NKAIN2: variants seen among roughly 807,000 people sequenced by gnomAD.
The protein encoded by NKAIN2 is sodium/potassium-transporting ATPase subunit beta-1-interacting protein 2.
Under a neutral mutation model 32.6 loss-of-function variants are expected in NKAIN2, and 14 were observed. The ratio of observed to expected loss-of-function variants is 0.43; its 90% CI spans 0.28 to 0.67. The LOEUF is 0.67. Ranked by LOEUF, NKAIN2 falls within the 30% of genes least tolerant of loss-of-function variation. The pLI is 0.17. For missense variants in NKAIN2, 198 were observed against 258.3 expected, an observed-to-expected ratio of 0.77 and a Z score of 1.60; for synonymous variants, 80 against 87.2, an observed-to-expected ratio of 0.92 and a Z score of 0.46.
At chr6:124,806,274 G>C (rs1363134068) in intron 5 of NKAIN2, among the ~76,000 whole-genome samples, 1 of 152,182 alleles carries the variant, frequency 6.6e-6, no homozygotes, top group Non-Finnish European at 1.5e-5. Flanking sequence ...AAGCCCATCA[G>C]ACTAACAGCG....
intron 3 of NKAIN2, among the ~76,000 whole-genome samples, chr6:124,627,819 C>T (rs562131658): frequency 3.9e-5 from 6 of 152,236 alleles, no homozygotes; most frequent in South Asian, 2.1e-4. Context: ...ACCACCCCCA[C>T]GGCGACATTC....
chr6:124,541,104 T>C (rs1314113887), intron 3 of NKAIN2, among the ~76,000 whole-genome samples: 1 of 152,066 alleles, frequency 6.6e-6, no homozygotes, highest in African/African-American at 2.4e-5. Flanking sequence ...ACTAGAGTTA[T>C]TTCCATTTTT....
intron 1 of NKAIN2, among the ~76,000 whole-genome samples, chr6:123,973,737 A>G (rs1342931991): frequency 6.6e-6 from 1 of 152,130 alleles, no homozygotes; most frequent in Admixed American, 6.6e-5. Flanking sequence ...TAAATCGTGT[A>G]GTTGTTTCAC....
At chr6:124,576,321 T>G (rs1266273115) in intron 3 of NKAIN2, among the ~76,000 whole-genome samples, 1 of 148,200 alleles carries the variant, frequency 6.7e-6, no homozygotes, top group African/African-American at 2.4e-5. Flanking sequence ...AAACTATGGT[T>G]TTACAGATTT....
At chr6:123,945,867 A>G (rs1188345099) in intron 1 of NKAIN2, among the ~76,000 whole-genome samples, 1 of 152,200 alleles carries the variant, frequency 6.6e-6, no homozygotes, top group East Asian at 1.9e-4. Context: ...TGGGTAAGAC[A>G]TAAAGAAATC....
intron 1 of NKAIN2, among the ~76,000 whole-genome samples, chr6:123,850,351 AAAAAAT>A (rs1474849205): frequency 1.9e-5 from 2 of 105,450 alleles, no homozygotes; most frequent in Non-Finnish European, 2.0e-5. Flanking sequence ...TGAAAAAAAA[AAAAAAT>A]ATATATATAT....
At chr6:123,918,031 T>A (rs1299490856) in intron 1 of NKAIN2, among the ~76,000 whole-genome samples, 1 of 152,160 alleles carries the variant, frequency 6.6e-6, no homozygotes, top group Non-Finnish European at 1.5e-5. Context: ...TACTCAAAAA[T>A]TATGTCCTTA....
At chr6:124,313,180 G>C (rs1796794884) in intron 2 of NKAIN2, among the ~76,000 whole-genome samples, 1 of 152,054 alleles carries the variant, frequency 6.6e-6, no homozygotes, top group Admixed American at 6.6e-5. Context: ...TTCAGTTAGT[G>C]CATCAAATCA....
At chr6:124,663,403 C>T (rs1772588321) in intron 4 of NKAIN2, among the ~76,000 whole-genome samples, 1 of 151,864 alleles carries the variant, frequency 6.6e-6, no homozygotes, top group Non-Finnish European at 1.5e-5. Context: ...TGCACTCCAA[C>T]CTGGGCTACA....
At chr6:124,487,670 G>A (rs928075614) in intron 3 of NKAIN2, among the ~76,000 whole-genome samples, 8 of 151,990 alleles carry the variant, frequency 5.3e-5, no homozygotes, top group Non-Finnish European at 7.4e-5. Flanking sequence ...CTTGCCTATC[G>A]GTGATCATTC....
chr6:123,804,082 C>T lies in NKAIN2; in HGVS notation c.-119C>T, dbSNP rs901431057. On this transcript the variant is annotated 5_prime_UTR_variant, in exon 1 of 7. Coordinates refer to ENST00000368417, the MANE Select transcript of NKAIN2 (RefSeq NM_001040214.3). ...CAGGACGCTGGCAGCAGCAGCAGCC[C>T]GGAGCCCCCGAGCCCTCGGCAGGTT... 3.3e-6 allele frequency: 3 copies of T among 908,066 alleles called. No homozygotes were observed. Among genetic ancestry groups the T allele is most frequent in the African/African-American group, 3.3e-5 (2 of 61,478 alleles). The allele number at this position is 908,066 out of a possible 1,614,324, so 56.3% of individuals were successfully genotyped here. A position where few individuals can be genotyped will look rare whatever the true frequency, so the allele number is the denominator to read the frequency against.
chr6:123,876,375 A>G (rs959511500), intron 1 of NKAIN2, among the ~76,000 whole-genome samples: 1 of 152,166 alleles, frequency 6.6e-6, no homozygotes, highest in South Asian at 2.1e-4. Context: ...AGCTTTGCAT[A>G]TACATAGCTG....
intron 1 of NKAIN2, among the ~76,000 whole-genome samples, chr6:124,028,494 A>C (rs918854113): frequency 2.0e-5 from 3 of 151,822 alleles, no homozygotes; most frequent in African/African-American, 7.3e-5. Context: ...ATGCATATGT[A>C]ACAAACCTGC....
chr6:124,223,751 G>C (rs1388674398), intron 1 of NKAIN2, among the ~76,000 whole-genome samples: 1 of 152,098 alleles, frequency 6.6e-6, no homozygotes, highest in Non-Finnish European at 1.5e-5. Flanking sequence ...GTTCCATTTA[G>C]ACATTCTTCC....
intron 1 of NKAIN2, among the ~76,000 whole-genome samples, chr6:124,047,448 C>CTATATA (rs552782793): frequency 3.3e-5 from 5 of 151,130 alleles, no homozygotes; most frequent in South Asian, 4.2e-4. Flanking sequence ...CTCTCTCTCT[C>CTATATA]TATATATATA....
intron 1 of NKAIN2, among the ~76,000 whole-genome samples, chr6:124,185,818 G>A (rs1369785247): frequency 6.6e-6 from 1 of 151,962 alleles, no homozygotes; most frequent in African/African-American, 2.4e-5. Context: ...TAGTATGACA[G>A]TTTTAGATAT....
In NKAIN2 at chr6:124,379,594, A is replaced by G. The variant is rs575944652; in HGVS notation, c.273+24247A>G. On this transcript the variant is annotated intron_variant, in intron 3 of 6. Coordinates refer to ENST00000368417, the MANE Select transcript of NKAIN2 (RefSeq NM_001040214.3). ...ATTCTGTGTGGGAAAAAGGTGGGAC[A>G]GAGGCTTGGAAAAGGTCTAGAAGTG... is the stretch of plus-strand genomic sequence containing the variant. 2.0e-5 allele frequency among the ~76,000 whole-genome samples: 3 copies of G among 152,256 alleles called. No individual in the cohort carries two copies. The East Asian group carries it at 5.8e-4, about 30-fold the overall frequency.
chr6:124,498,471 G>T (rs1464284120), intron 3 of NKAIN2, among the ~76,000 whole-genome samples: 1 of 152,146 alleles, frequency 6.6e-6, no homozygotes, highest in Non-Finnish European at 1.5e-5. Context: ...CAGAAACGTT[G>T]TGAGGTTAAA....
intron 1 of NKAIN2, among the ~76,000 whole-genome samples, chr6:123,913,959 C>T (rs1344875753): frequency 6.6e-6 from 1 of 152,042 alleles, no homozygotes; most frequent in Non-Finnish European, 1.5e-5. Flanking sequence ...GTGCCTGGTG[C>T]CATTCTATGT....
Sources: gnomAD v4.1 joint callset for allele counts (sites outside exome capture counted in the v4.1 genomes callset) on GRCh38, gnomAD v4.1.1 for gene constraint, MANE v1.5 for transcripts, NCBI Gene and HGNC (gene_info 2026-07-23, HGNC 2026-07-21) for gene names.